The following CNGB3 variants were observed in gnomAD, a reference collection of about 807,000 sequenced individuals.
The protein encoded by CNGB3 is cyclic nucleotide gated channel subunit beta 3.
In CNGB3, 86 loss-of-function variants were observed where a neutral mutation model predicts 92.8. The observed-to-expected ratio is 0.93, with a 90% CI of 0.78 to 1.11. The LOEUF is 1.11. CNGB3 is among the 50% of genes least tolerant of loss of function. CNGB3 has a pLI of 0.00. For synonymous variants in CNGB3, 333 were observed against 332.7 expected (o/e 1.00, Z -0.01); for missense variants, 1,026 against 956.8 (o/e 1.07, Z -0.95).
intron 2 of CNGB3, among the ~76,000 whole-genome samples, chr8:86,733,827 C>A (rs1825199778): frequency 2.0e-5 from 3 of 152,106 alleles, no homozygotes; most frequent in African/African-American, 7.2e-5. Flanking sequence ...ATTTAAACAT[C>A]CACTACCTTT....
At chr8:86,710,661 A>G (rs1331382598) in intron 3 of CNGB3, among the ~76,000 whole-genome samples, 1 of 152,202 alleles carries the variant, frequency 6.6e-6, no homozygotes, top group Non-Finnish European at 1.5e-5. Context: ...CTACAAAAAC[A>G]TTCTATTACC....
chr8:86,644,748 A>G, intron 8 of CNGB3, 62 bp from the exon 9 acceptor site: 1 of 1,061,898 alleles, frequency 9.4e-7, no homozygotes, highest in Admixed American at 3.5e-5. Context: ...TATTTAAATA[A>G]AACTATATGA....
chr8:86,647,798 T>C lies in CNGB3; in HGVS notation c.990+3A>G. ...AAAAGACAATTAAATATAGTTATCTTACCTTTAACATCCTATTTGCTCTAA... is the reference window on the plus strand; with the variant it reads ...AAAAGACAATTAAATATAGTTATCTCACCTTTAACATCCTATTTGCTCTAA... On this transcript the variant is annotated splice_donor_region_variant and intron_variant, in intron 8 of 17. Coordinates refer to ENST00000320005, the MANE Select transcript of CNGB3 (RefSeq NM_019098.5). The C allele has an allele frequency of 7.1e-7, 1 of 1,410,240 alleles. No individual in the cohort carries two copies. The highest frequency in any genetic ancestry group is 1.0e-6 in the Non-Finnish European group (1 of 995,662). The allele number at this position is 1,410,240 out of a possible 1,614,324, so 87.4% of individuals were successfully genotyped here.
rs1824754138 is a variant in CNGB3, at chr8:86,711,735, G to A, written c.338+14796C>T. Among the ~76,000 whole-genome samples the A allele has an allele frequency of 2.0e-5, 3 of 151,556 alleles. No homozygotes were observed. In the South Asian group the frequency reaches 6.2e-4, roughly 32 times the overall value. On this transcript the variant is annotated intron_variant, in intron 3 of 17. Transcript: ENST00000320005. Reference sequence around the variant, plus strand: ...TTCTGATCCTAGCCTGCTTCATCTTGGTACATCTAGTTTTTGGCAGCATTA... The same window carrying A: ...TTCTGATCCTAGCCTGCTTCATCTTAGTACATCTAGTTTTTGGCAGCATTA...
chr8:86,586,764 CT>C (rs1821902877), intron 15 of CNGB3, among the ~76,000 whole-genome samples: 1 of 147,588 alleles, frequency 6.8e-6, no homozygotes, highest in Non-Finnish European at 1.5e-5. Context: ...GGTTCCAAGT[CT>C]TTGCTATTGT....
chr8:86,726,422 A>AT (rs564952423), intron 3 of CNGB3, 109 bp downstream of exon 3: 6 of 1,483,348 alleles, frequency 4.0e-6, no homozygotes, highest in Non-Finnish European at 3.8e-6. Flanking sequence ...TGACTATTGA[A>AT]TTTTTTCTGC....
intron 8 of CNGB3, among the ~76,000 whole-genome samples, chr8:86,647,232 T>C (rs1823306160): frequency 6.6e-6 from 1 of 150,892 alleles, no homozygotes; most frequent in African/African-American, 2.4e-5. Context: ...ATAAATATAT[T>C]TTGGTATATT....
Position 86,726,349 on chromosome 8 carries a change from G to A in CNGB3, c.338+182C>T, listed in dbSNP as rs566726188. On this transcript the variant is annotated intron_variant, in intron 3 of 17. Coordinates refer to ENST00000320005, the MANE Select transcript of CNGB3 (RefSeq NM_019098.5). ...ATTGGTTAGTGGCCATGCTGGGCCA[G>A]TGAGGTACGATGAACTGGACAGAAC... Among the ~76,000 whole-genome samples, 148 of 152,318 alleles carry A rather than the reference G, an allele frequency of 9.7e-4. 2 individuals are homozygous for A. The highest frequency in any genetic ancestry group is 3.2e-3 in the African/African-American group (131 of 41,572).
intron 3 of CNGB3, among the ~76,000 whole-genome samples, chr8:86,677,795 G>T (rs1007290802): frequency 6.6e-6 from 1 of 152,138 alleles, no homozygotes; most frequent in African/African-American, 2.4e-5. Flanking sequence ...AAGAACATTG[G>T]TTAGGGAGAT....
At chr8:86,606,059 C>G (rs771998507) in intron 14 of CNGB3, among the ~76,000 whole-genome samples, 5 of 152,044 alleles carry the variant, frequency 3.3e-5, no homozygotes, top group Non-Finnish European at 7.4e-5. Context: ...AAGCCTAGAA[C>G]CCACATCTCC....
At chr8:86,595,119 T>C (rs1470519865) in intron 15 of CNGB3, among the ~76,000 whole-genome samples, 2 of 152,202 alleles carry the variant, frequency 1.3e-5, no homozygotes, top group Admixed American at 1.3e-4. Flanking sequence ...GAATTTCATC[T>C]CTGAAATTAA....
rs1432176223 is a variant in CNGB3 at position 86,626,188 on chromosome 8, CTT to C, written c.1481-110_1481-109del. The C allele has an allele frequency of 3.8e-6, 3 of 781,524 alleles. No homozygotes were observed. In the East Asian group the frequency reaches 8.0e-5, roughly 21 times the overall value. 48.4% of individuals were successfully genotyped at this position (781,524 alleles called of 1,614,324 possible). The stretch of plus-strand genomic sequence containing the variant: ...AAATAAAGGAAACAAAATGCAAACA[CTT>C]TTTATACATAATTAGATGCATCAGA... On this transcript the variant is annotated intron_variant, in intron 12 of 17. Transcript: ENST00000320005.
chr8:86,578,377 C>T (rs988334763), intron 17 of CNGB3, among the ~76,000 whole-genome samples: 3 of 152,068 alleles, frequency 2.0e-5, no homozygotes, highest in African/African-American at 7.2e-5. Flanking sequence ...TTTTAAGTTA[C>T]TAATAAATTA....
rs1821615099 is a variant in CNGB3, at chr8:86,574,203, T to G, written c.*1601A>C. The G allele has an allele frequency of 6.6e-6, 1 of 152,188 alleles. No homozygotes were observed. The highest frequency in any genetic ancestry group is 1.9e-4 in the East Asian group (1 of 5,202). The allele number at this position is 152,188 out of a possible 1,614,324, so 9.4% of individuals were successfully genotyped here. The stretch of plus-strand genomic sequence containing the variant: ...ATTGCAATGGTCTTGTATTTTAATA[T>G]CATTTGAATAAATTACAGGGTGTAA... On this transcript the variant is annotated 3_prime_UTR_variant, in exon 18 of 18. Coordinates refer to ENST00000320005, the MANE Select transcript of CNGB3 (RefSeq NM_019098.5).
At chr8:86,591,614 G>A (rs892108643) in intron 15 of CNGB3, among the ~76,000 whole-genome samples, 7 of 152,138 alleles carry the variant, frequency 4.6e-5, no homozygotes, top group African/African-American at 9.7e-5. Flanking sequence ...AGGTGTCAGT[G>A]TGCCCCTGCT....
At chr8:86,615,761 A>G (rs1253874761) in intron 13 of CNGB3, among the ~76,000 whole-genome samples, 5 of 152,158 alleles carry the variant, frequency 3.3e-5, no homozygotes. Flanking sequence ...CTACCAGTTT[A>G]TGTTTATATG....
At chr8:86,641,000 C>T (rs939897277) in intron 10 of CNGB3, among the ~76,000 whole-genome samples, 1 of 151,982 alleles carries the variant, frequency 6.6e-6, no homozygotes, top group African/African-American at 2.4e-5. Flanking sequence ...GCACAAGATA[C>T]AGGTAACAGA....
chr8:86,722,871 C>T (rs1474371544), intron 3 of CNGB3, among the ~76,000 whole-genome samples: 3 of 152,134 alleles, frequency 2.0e-5, no homozygotes, highest in Admixed American at 6.6e-5. Flanking sequence ...GGCTTTCAGA[C>T]GTGTACTGGA....
At chr8:86,652,472 T>G (rs1055715614) in intron 7 of CNGB3, among the ~76,000 whole-genome samples, 1 of 152,030 alleles carries the variant, frequency 6.6e-6, no homozygotes, top group African/African-American at 2.4e-5. Context: ...TTTTAAAAAC[T>G]TTTTTACTCT....
Sources: allele counts gnomAD v4.1 joint callset (sites outside exome capture counted in the v4.1 genomes callset), GRCh38; gene constraint gnomAD v4.1.1; transcripts MANE v1.5; gene names NCBI Gene and HGNC (gene_info 2026-07-23, HGNC 2026-07-21).